The following SPTA1 variants were observed in gnomAD, a reference collection of about 807,000 sequenced individuals.
SPTA1 encodes spectrin alpha chain, erythrocytic 1.
SPTA1 carries 177 observed loss-of-function variants against 324.7 expected under a neutral mutation model. The observed-to-expected ratio is 0.55, with a 90% CI of 0.48 to 0.62. SPTA1 has a LOEUF of 0.62. Among genes scored for constraint, SPTA1 ranks in the 20% least tolerant of loss-of-function variants. SPTA1 has a pLI of 0.00. For synonymous variants in SPTA1, 1,195 were observed against 1,041.3 expected (o/e 1.15, Z -2.84); for missense variants, 3,162 against 2,883.6 (o/e 1.10, Z -2.21).
intron 23 of SPTA1, 64 bp from the exon 24 acceptor site, chr1:158,651,532 A>T: frequency 9.2e-7 from 1 of 1,092,380 alleles, no homozygotes; most frequent in South Asian, 1.2e-5. Context: ...TCCCCTCATC[A>T]AGAATCTACC....
At chr1:158,654,505 T>G in intron 21 of SPTA1, 106 bp downstream of exon 21, 1 of 1,468,000 alleles carries the variant, frequency 6.8e-7, no homozygotes, top group Non-Finnish European at 9.2e-7. Context: ...AGAAATAAAA[T>G]AATAAAATAA....
chr1:158,671,629 T>C (rs1332752588), intron 11 of SPTA1, among the ~76,000 whole-genome samples, 176 bp from the exon 12 acceptor site: 9 of 152,176 alleles, frequency 5.9e-5, no homozygotes, highest in Non-Finnish European at 8.8e-5. Context: ...TCCTTCCTGA[T>C]ACTCTCATAC....
At chr1:158,665,371 T>G (rs1310776649) in intron 16 of SPTA1, among the ~76,000 whole-genome samples, 1 of 152,278 alleles carries the variant, frequency 6.6e-6, no homozygotes, top group East Asian at 1.9e-4. Flanking sequence ...TTCTGTAGAT[T>G]ATTCTGTTTT....
intron 3 of SPTA1, among the ~76,000 whole-genome samples, chr1:158,681,930 TG>T (rs1198640697): frequency 6.6e-6 from 1 of 152,080 alleles, no homozygotes; most frequent in Non-Finnish European, 1.5e-5. Flanking sequence ...AACAATAAGA[TG>T]GGAAGGAGGA....
intron 37 of SPTA1, among the ~76,000 whole-genome samples, 164 bp downstream of exon 37, chr1:158,636,477 G>T (rs1651078325): frequency 6.6e-6 from 1 of 152,184 alleles, no homozygotes; most frequent in Admixed American, 6.5e-5. Flanking sequence ...ACTTATAGGA[G>T]ACTAAATGTG....
intron 45 of SPTA1, 184 bp from the exon 46 acceptor site, chr1:158,618,240 G>A (rs896504303): frequency 6.3e-6 from 4 of 638,080 alleles, no homozygotes; most frequent in African/African-American, 5.5e-5. Context: ...GAAGATCAGA[G>A]TCTCCCATAA....
At chr1:158,639,557 G>A (rs757526292) in intron 35 of SPTA1, 25 bp downstream of exon 35, 53 of 1,603,952 alleles carry the variant, frequency 3.3e-5, no homozygotes, top group Admixed American at 3.3e-5. Flanking sequence ...TCTGCCCAGA[G>A]GAGAGGGATG....
Position 158,627,018 on chromosome 1 carries a change from G to C in SPTA1, c.5665-11C>G, listed in dbSNP as rs777520921. 6.2e-7 allele frequency: 1 copy of C among 1,613,480 alleles called. No individual in the cohort carries two copies. Among genetic ancestry groups the C allele is most frequent in the Admixed American group, 1.7e-5 (1 of 59,986 alleles). On this transcript the variant is annotated splice_polypyrimidine_tract_variant and intron_variant, in intron 40 of 51. Transcript: ENST00000643759. Reference sequence around the variant, plus strand: ...TTCCTCCTGCAACACCTGTGAGAAGGGGAGAGACAAATATATTTATAATGT... The same window carrying C: ...TTCCTCCTGCAACACCTGTGAGAAGCGGAGAGACAAATATATTTATAATGT...
At position 158,674,363 on chromosome 1, in the gene SPTA1, G is replaced by C. The variant is rs1654252776; in HGVS notation, c.1316C>G (p.Ala439Gly). ...AACTTCATCAGAGGCTTCATGATTG[G>C]CATTCACGAGGTCTTGACCAGTCTC... Reference protein sequence around the residue: ...ADETGQDLVNANHEASDEVRE... With the variant: ...ADETGQDLVNGNHEASDEVRE... The change falls in exon 10 of 52, where the codon GCC (alanine) becomes GGC (glycine). Residue 439 changes from alanine to glycine, a missense_variant. Transcript: ENST00000643759. The C allele has an allele frequency of 1.9e-6, 3 of 1,613,908 alleles. No individual in the cohort carries two copies. Among genetic ancestry groups the C allele is most frequent in the Non-Finnish European group, 2.5e-6 (3 of 1,179,956 alleles).
chr1:158,659,283 T>C (rs1249577700), intron 18 of SPTA1, among the ~76,000 whole-genome samples: 1 of 152,070 alleles, frequency 6.6e-6, no homozygotes, highest in Non-Finnish European at 1.5e-5. Context: ...TTATTTGAAA[T>C]TAGACTATGA....
intron 39 of SPTA1, among the ~76,000 whole-genome samples, chr1:158,628,701 T>C (rs1165731618): frequency 6.6e-6 from 1 of 152,082 alleles, no homozygotes; most frequent in Non-Finnish European, 1.5e-5. Context: ...TTTAACATCT[T>C]CACCTTCGCC....
intron 42 of SPTA1, among the ~76,000 whole-genome samples, chr1:158,624,865 G>A (rs1650167279): frequency 1.3e-5 from 2 of 152,212 alleles, no homozygotes; most frequent in Admixed American, 1.3e-4. Context: ...CCATCAGGTA[G>A]GAGCAGCCCT....
chr1:158,681,767 TCA>T lies in SPTA1; in HGVS notation c.391-102_391-101del. On this transcript the variant is annotated intron_variant, in intron 3 of 51. Coordinates refer to ENST00000643759, the MANE Select transcript of SPTA1 (RefSeq NM_003126.4). Reference sequence around the variant, plus strand: ...AGAGACCTGGATAAAAATTCTTCTCTCAGTTACTCATGCATTAGTTGCTCAAC... The same window carrying T: ...AGAGACCTGGATAAAAATTCTTCTCTGTTACTCATGCATTAGTTGCTCAAC... 4 of 1,470,080 alleles carry T rather than the reference TCA, an allele frequency of 2.7e-6. 1 individual carries two copies. Among genetic ancestry groups the T allele is most frequent in the Non-Finnish European group, 3.8e-6 (4 of 1,059,974 alleles). The allele number at this position is 1,470,080 out of a possible 1,614,324, so 91.1% of individuals were successfully genotyped here.
intron 39 of SPTA1, among the ~76,000 whole-genome samples, chr1:158,634,230 C>A (rs1191170168): frequency 6.6e-6 from 1 of 152,154 alleles, no homozygotes; most frequent in Admixed American, 6.6e-5. Flanking sequence ...CTTTCAAAAT[C>A]TATAATCTGC....
At chr1:158,644,485 G>A (rs931663350) in intron 29 of SPTA1, 89 bp from the exon 30 acceptor site, 5 of 1,531,220 alleles carry the variant, frequency 3.3e-6, no homozygotes, top group African/African-American at 2.7e-5. Flanking sequence ...ATGACACAAA[G>A]GGTTTTGCAA....
intron 39 of SPTA1, among the ~76,000 whole-genome samples, chr1:158,632,013 A>G (rs187999875): frequency 4.3e-4 from 66 of 152,346 alleles, no homozygotes; most frequent in Admixed American, 1.1e-3. Flanking sequence ...TTGCAGCATT[A>G]TTAACAATAG....
At chr1:158,664,516 C>T (rs534260860) in intron 16 of SPTA1, among the ~76,000 whole-genome samples, 9 of 152,088 alleles carry the variant, frequency 5.9e-5, no homozygotes, top group Middle Eastern at 3.4e-3. Flanking sequence ...CATCACACAC[C>T]GGGGCCTGTC....
Position 158,612,961 on chromosome 1 carries a change from C to G in SPTA1, c.6990G>C (p.Arg2330Ser), listed in dbSNP as rs1328107166. 1.9e-6 allele frequency: 3 copies of G among 1,613,780 alleles called. No individual in the cohort carries two copies. The East Asian group carries it at 6.7e-5, about 36-fold the overall frequency. Reference sequence around the variant, plus strand: ...AGTCCTCCAGTGAGACATAGCCCTTCCTGTGGGAGAAATGGATCAGGAGCT... The same window carrying G: ...AGTCCTCCAGTGAGACATAGCCCTTGCTGTGGGAGAAATGGATCAGGAGCT... ...EKFLDAVDPGRKGYVSLEDYT... is the reference protein window; with the variant it reads ...EKFLDAVDPGSKGYVSLEDYT... The change falls in exon 51 of 52, where the codon AGG (arginine) becomes AGC (serine). Residue 2330 changes from arginine to serine, a missense_variant and splice_region_variant. By Grantham distance (110) the Arg-to-Ser change is moderately radical. Transcript: ENST00000643759.
chr1:158,675,994 T>C, intron 8 of SPTA1, 147 bp downstream of exon 8: 1 of 1,036,346 alleles, frequency 9.6e-7, no homozygotes, highest in Non-Finnish European at 1.4e-6. Flanking sequence ...GGACTTCCTT[T>C]GGCAACTTAA....
Sources: allele counts gnomAD v4.1 joint callset (sites outside exome capture counted in the v4.1 genomes callset), GRCh38; gene constraint gnomAD v4.1.1; transcripts MANE v1.5; gene names NCBI Gene and HGNC (gene_info 2026-07-23, HGNC 2026-07-21).